The following XKR6 variants were observed in gnomAD, a reference collection of about 807,000 sequenced individuals.
XKR6 encodes the protein XK related 6.
XKR6 carries 22 observed loss-of-function variants against 56.7 expected under a neutral mutation model. That is an observed-to-expected ratio of 0.39 (90% confidence interval 0.28 to 0.55). The LOEUF is 0.55. Ranked by LOEUF, XKR6 falls within the 20% of genes least tolerant of loss-of-function variation. The probability of loss-of-function intolerance (pLI) is 0.66; values close to 1 mark genes in which losing one functional copy is unlikely to be tolerated. For missense variants in XKR6, 852 were observed against 889.0 expected (o/e 0.96, Z 0.53); for synonymous variants, 524 against 387.8 (o/e 1.35, Z -4.13).
intron 1 of XKR6, among the ~76,000 whole-genome samples, chr8:11,178,115 G>A (rs1174300195): frequency 6.6e-6 from 1 of 152,090 alleles, no homozygotes; most frequent in Non-Finnish European, 1.5e-5. Context: ...GGCAGAAGAG[G>A]CACGAAACCA....
At chr8:10,977,680 C>T (rs776338196) in intron 1 of XKR6, among the ~76,000 whole-genome samples, 1 of 149,468 alleles carries the variant, frequency 6.7e-6, no homozygotes, top group African/African-American at 2.5e-5. Context: ...AGGTCTATCA[C>T]GGAGGTGGGT....
rs149483239 is a variant in XKR6 at position 10,962,875 on chromosome 8, G to A, written c.765-38045C>T. ...TGACCTCAGGTAATCCACCCGCCTCGGCCTCCCAAAGTGCTGAGATTACAG... is the reference window on the plus strand; with the variant it reads ...TGACCTCAGGTAATCCACCCGCCTCAGCCTCCCAAAGTGCTGAGATTACAG... On this transcript the variant is annotated intron_variant, in intron 1 of 2. Transcript: ENST00000416569. Among the ~76,000 whole-genome samples the A allele has an allele frequency of 3.9e-5, 6 of 152,156 alleles. No individual in the cohort carries two copies. In the East Asian group the frequency reaches 7.7e-4, roughly 20 times the overall value.
chr8:10,918,663 G>A (rs1800629501), intron 2 of XKR6, among the ~76,000 whole-genome samples: 1 of 152,218 alleles, frequency 6.6e-6, no homozygotes, highest in Non-Finnish European at 1.5e-5. Context: ...GTTGTGCATG[G>A]CACCTATGTT....
chr8:10,983,310 T>C (rs1158665216), intron 1 of XKR6, among the ~76,000 whole-genome samples: 1 of 152,034 alleles, frequency 6.6e-6, no homozygotes, highest in Non-Finnish European at 1.5e-5. Context: ...AGGACAAACA[T>C]ACAAATTAAG....
intron 1 of XKR6, among the ~76,000 whole-genome samples, chr8:10,983,918 G>C (rs368305830): frequency 6.6e-6 from 1 of 152,138 alleles, no homozygotes; most frequent in Non-Finnish European, 1.5e-5. Context: ...GCCTCCCAAA[G>C]TGCTGGGATT....
intron 1 of XKR6, among the ~76,000 whole-genome samples, chr8:10,943,366 T>C (rs1208712461): frequency 6.6e-6 from 1 of 152,192 alleles, no homozygotes; most frequent in African/African-American, 2.4e-5. Context: ...CCATTGCCTC[T>C]GCACCCTGGA....
chr8:11,124,197 C>T, intron 1 of XKR6: 1 of 356,520 alleles, frequency 2.8e-6, no homozygotes, highest in Non-Finnish European at 5.6e-6. Context: ...AGAAAAAAGC[C>T]AACCTTAATG....
intron 1 of XKR6, among the ~76,000 whole-genome samples, chr8:11,129,610 C>A (rs1014098043): frequency 5.9e-5 from 9 of 152,064 alleles, no homozygotes; most frequent in Non-Finnish European, 1.2e-4. Context: ...GTTAAGAAGA[C>A]GTTTCTTAAA....
chr8:11,191,262 CCAA>C (rs1298354109), intron 1 of XKR6, among the ~76,000 whole-genome samples: 2 of 152,150 alleles, frequency 1.3e-5, no homozygotes, highest in African/African-American at 2.4e-5. Context: ...CATACACCCA[CCAA>C]CAACAACTAC....
intron 1 of XKR6, among the ~76,000 whole-genome samples, chr8:11,165,938 T>C (rs966847850): frequency 6.6e-6 from 1 of 151,276 alleles, no homozygotes; most frequent in African/African-American, 2.4e-5. Context: ...TTCATGTATA[T>C]ATATATATAT....
intron 1 of XKR6, chr8:11,106,785 G>C (rs1053204161): frequency 6.9e-6 from 1 of 144,208 alleles, no homozygotes; most frequent in African/African-American, 2.7e-5. Context: ...AGGAGGTGGA[G>C]GTTGCAGTGA....
At chr8:11,090,541 A>G (rs538350952) in intron 1 of XKR6, among the ~76,000 whole-genome samples, 60 of 152,342 alleles carry the variant, frequency 3.9e-4, no homozygotes, top group African/African-American at 1.1e-3. Context: ...AGCAGTATGC[A>G]TTATTAGTGC....
At chr8:11,137,689 G>C (rs564489167) in intron 1 of XKR6, 21 of 456,238 alleles carry the variant, frequency 4.6e-5, no homozygotes, top group South Asian at 2.0e-4. Flanking sequence ...GCAGCGGAGA[G>C]TCTGCTGAAG....
chr8:11,072,407 A>G (rs1378520838), intron 1 of XKR6, among the ~76,000 whole-genome samples: 537 of 108,034 alleles, frequency 5.0e-3, no homozygotes, highest in Middle Eastern at 0.027. Context: ...TGCTGGAGAG[A>G]CAGCAGGGCT....
intron 2 of XKR6, among the ~76,000 whole-genome samples, chr8:10,914,684 A>T (rs928620762): frequency 6.6e-6 from 1 of 152,178 alleles, no homozygotes; most frequent in Non-Finnish European, 1.5e-5. Flanking sequence ...ATCCTAGCTC[A>T]GCTGACTTGT....
intron 1 of XKR6, among the ~76,000 whole-genome samples, chr8:10,948,583 G>C (rs1244044488): frequency 6.6e-6 from 1 of 152,114 alleles, no homozygotes; most frequent in Non-Finnish European, 1.5e-5. Flanking sequence ...TTCCACCTCA[G>C]TAGCTACCCT....
At chr8:10,901,200 T>G (rs1024241071) in intron 2 of XKR6, among the ~76,000 whole-genome samples, 7 of 151,908 alleles carry the variant, frequency 4.6e-5, no homozygotes, top group Non-Finnish European at 1.0e-4. Flanking sequence ...GGACTACAGG[T>G]GCACACCACC....
intron 1 of XKR6, among the ~76,000 whole-genome samples, chr8:10,949,623 G>A (rs1392530304): frequency 6.6e-6 from 1 of 152,254 alleles, no homozygotes; most frequent in Non-Finnish European, 1.5e-5. Flanking sequence ...ACAGGGGAAT[G>A]TGACTGAAGG....
chr8:11,016,807 G>C (rs547245638), intron 1 of XKR6, among the ~76,000 whole-genome samples: 6 of 152,266 alleles, frequency 3.9e-5, no homozygotes, highest in South Asian at 2.1e-4. Context: ...CTTCTCTCTC[G>C]GGCCAGCCGA....
Sources: allele counts gnomAD v4.1 joint callset (sites outside exome capture counted in the v4.1 genomes callset), GRCh38; gene constraint gnomAD v4.1.1; transcripts MANE v1.5; gene names NCBI Gene and HGNC (gene_info 2026-07-23, HGNC 2026-07-21).